The following EBF1 variants were observed in gnomAD, a reference collection of about 807,000 sequenced individuals.
The protein encoded by EBF1 is transcription factor COE1.
A neutral mutation model predicts 68.4 loss-of-function variants in EBF1; 10 were observed. The ratio of observed to expected loss-of-function variants is 0.15; its 90% CI spans 0.09 to 0.25. EBF1 has a LOEUF of 0.25. Ranked by LOEUF, EBF1 falls within the 10% of genes least tolerant of loss-of-function variation. The pLI is 1.00. For missense variants in EBF1, 509 were observed against 794.4 expected (o/e 0.64, Z 4.32); for synonymous variants, 298 against 299.8 (o/e 0.99, Z 0.06).
intron 6 of EBF1, among the ~76,000 whole-genome samples, chr5:159,023,775 C>T (rs1469827055): frequency 6.6e-6 from 1 of 152,152 alleles, no homozygotes; most frequent in Non-Finnish European, 1.5e-5. Context: ...AAATGTATTG[C>T]TTACCATTAA....
chr5:158,809,060 T>A (rs1278192775), intron 8 of EBF1, among the ~76,000 whole-genome samples: 2 of 152,156 alleles, frequency 1.3e-5, no homozygotes. Flanking sequence ...TGGGCATGTA[T>A]ATACATAGGC....
chr5:159,075,707 C>T (rs2127952741), intron 5 of EBF1, among the ~76,000 whole-genome samples: 1 of 152,338 alleles, frequency 6.6e-6, no homozygotes, highest in Non-Finnish European at 1.5e-5. Context: ...TGTGCCATCT[C>T]ACTGCCCAAG....
intron 6 of EBF1, among the ~76,000 whole-genome samples, chr5:158,942,587 T>A (rs1813675747): frequency 6.6e-6 from 1 of 152,140 alleles, no homozygotes; most frequent in Non-Finnish European, 1.5e-5. Flanking sequence ...TTACTAGTTA[T>A]CATGAATTCC....
intron 6 of EBF1, among the ~76,000 whole-genome samples, chr5:158,876,363 C>T (rs1250308657): frequency 6.6e-6 from 1 of 152,136 alleles, no homozygotes; most frequent in Non-Finnish European, 1.5e-5. Context: ...ATCCCACGAC[C>T]CCTTTTCCCT....
At chr5:158,941,220 T>A in intron 6 of EBF1, 3 of 455,854 alleles carry the variant, frequency 6.6e-6, no homozygotes, top group Non-Finnish European at 1.3e-5. Context: ...ACACACACAT[T>A]TGAGGAAGAA....
rs564835988 is a variant in EBF1 at position 158,756,713 on chromosome 5, G to A, written c.1036+20700C>T. Among the ~76,000 whole-genome samples, 5 of 151,656 alleles carry A rather than the reference G, an allele frequency of 3.3e-5. No homozygotes were observed. The South Asian group carries it at 1.0e-3, about 32-fold the overall frequency. Reference sequence around the variant, plus strand: ...CCAGTAAACATTTAATAAAGAAATAGATGAATGAATGAAAGAATGAACAAA... The same window carrying A: ...CCAGTAAACATTTAATAAAGAAATAAATGAATGAATGAAAGAATGAACAAA... On this transcript the variant is annotated intron_variant, in intron 10 of 15. Transcript: ENST00000313708.
At chr5:158,918,253 A>G (rs78232821) in intron 6 of EBF1, among the ~76,000 whole-genome samples, 2 of 152,194 alleles carry the variant, frequency 1.3e-5, no homozygotes, top group Non-Finnish European at 2.9e-5. Flanking sequence ...TGGTGAAGGA[A>G]GTTGGTCTCC....
chr5:158,860,548 A>G (rs1175973943), intron 6 of EBF1, among the ~76,000 whole-genome samples: 1 of 152,190 alleles, frequency 6.6e-6, no homozygotes, highest in Non-Finnish European at 1.5e-5. Flanking sequence ...TTCCACTGAG[A>G]TAGGACTTGG....
At chr5:158,746,494 C>A (rs1003426618) in intron 10 of EBF1, among the ~76,000 whole-genome samples, 5 of 152,132 alleles carry the variant, frequency 3.3e-5, no homozygotes, top group African/African-American at 1.2e-4. Context: ...TTAGAAATGC[C>A]ATCTAGCGTT....
chr5:159,051,036 G>C (rs902531297), intron 6 of EBF1, among the ~76,000 whole-genome samples: 1 of 152,042 alleles, frequency 6.6e-6, no homozygotes, highest in Non-Finnish European at 1.5e-5. Context: ...TGTTAGGAAG[G>C]GGGGAAGTGT....
intron 14 of EBF1, among the ~76,000 whole-genome samples, chr5:158,710,692 T>G (rs539019837): frequency 6.6e-6 from 1 of 152,360 alleles, no homozygotes; most frequent in South Asian, 2.1e-4. Context: ...AAGTACATTT[T>G]CAGAAATAAC....
intron 5 of EBF1, among the ~76,000 whole-genome samples, chr5:159,082,762 A>G (rs535258997): frequency 1.3e-5 from 2 of 152,212 alleles, no homozygotes; most frequent in African/African-American, 2.4e-5. Context: ...AATCTGTAAC[A>G]TTAGCAGGAT....
In EBF1 at chr5:158,984,074, A is replaced by G. The variant is rs74367928; in HGVS notation, c.554+89322T>C. Among the ~76,000 whole-genome samples, 186 of 152,284 alleles carry G rather than the reference A, an allele frequency of 1.2e-3. 1 individual carries two copies. The highest frequency in any genetic ancestry group is 1.4e-3 in the Non-Finnish European group (92 of 68,002). On this transcript the variant is annotated intron_variant, in intron 6 of 15. Transcript: ENST00000313708. ...AGCTTATTTGCCATGAATCTTCCAA[A>G]TCATACCTGGAATCTCAAAAGAAAG...
chr5:158,933,725 A>C (rs1414772395), intron 6 of EBF1, among the ~76,000 whole-genome samples: 1 of 152,220 alleles, frequency 6.6e-6, no homozygotes, highest in Non-Finnish European at 1.5e-5. Context: ...GGGTGTGTAA[A>C]AGCTAAGTAA....
chr5:158,778,727 A>G (rs543938525), intron 9 of EBF1, among the ~76,000 whole-genome samples: 4 of 152,312 alleles, frequency 2.6e-5, no homozygotes, highest in Admixed American at 1.3e-4. Flanking sequence ...GCTAAAGCCC[A>G]CAAGTAATTT....
intron 6 of EBF1, among the ~76,000 whole-genome samples, chr5:158,859,845 G>C (rs993413237): frequency 1.3e-5 from 2 of 152,074 alleles, no homozygotes; most frequent in East Asian, 1.9e-4. Context: ...ATATCTCATC[G>C]GTCACTTATT....
intron 6 of EBF1, among the ~76,000 whole-genome samples, chr5:158,864,567 C>T (rs1795538619): frequency 6.6e-6 from 1 of 151,982 alleles, no homozygotes; most frequent in African/African-American, 2.4e-5. Flanking sequence ...CACTCTCCCT[C>T]CAACGACTGA....
chr5:158,909,535 T>C (rs79379186), intron 6 of EBF1, among the ~76,000 whole-genome samples: 8,034 of 152,252 alleles, frequency 0.053, 288 homozygotes, highest in Non-Finnish European at 0.071. Context: ...CTGCCAGGCA[T>C]GACTGATCAT....
In EBF1 at chr5:158,698,663, C is replaced by CTTTTTTTTTTTTTTTTCT. The variant is rs1357650531; in HGVS notation, c.*447_*448insAGAAAAAAAAAAAAAAAA. The CTTTTTTTTTTTTTTTTCT allele has an allele frequency of 6.6e-6, 1 of 151,348 alleles. No individual in the cohort carries two copies. The allele number at this position is 151,348 out of a possible 1,614,324, so 9.4% of individuals were successfully genotyped here. ...AAGCTTTTTTTTTTTTCCTTTTTTT[C>CTTTTTTTTTTTTTTTTCT]TTTTTTTTTTTTTTTACTTTTTTGT... is the stretch of plus-strand genomic sequence containing the variant. On this transcript the variant is annotated 3_prime_UTR_variant, in exon 16 of 16. Coordinates refer to ENST00000313708, the MANE Select transcript of EBF1 (RefSeq NM_024007.5).
Sources: allele counts gnomAD v4.1 joint callset (sites outside exome capture counted in the v4.1 genomes callset), GRCh38; gene constraint gnomAD v4.1.1; transcripts MANE v1.5; gene names NCBI Gene and HGNC (gene_info 2026-07-23, HGNC 2026-07-21).